Variants in FLT4 observed in about 807,000 individuals in gnomAD.
The protein encoded by FLT4 is fms related receptor tyrosine kinase 4.
In FLT4, 30 loss-of-function variants were observed where a neutral mutation model predicts 163.2. That is an observed-to-expected ratio of 0.18 (90% confidence interval 0.14 to 0.25). The LOEUF is 0.25. Among genes scored for constraint, FLT4 ranks in the 10% least tolerant of loss-of-function variants. FLT4 has a pLI of 1.00. For synonymous variants in FLT4, 884 were observed against 789.5 expected (o/e 1.12, Z -2.01); for missense variants, 1,510 against 1,863.8 (o/e 0.81, Z 3.50).
At chr5:180,619,429 G>GCTTAGCTAAGGCACAGCCT in intron 18 of FLT4, 63 bp from the exon 19 acceptor site, 1 of 1,261,394 alleles carries the variant, frequency 7.9e-7, no homozygotes, top group Non-Finnish European at 1.1e-6. Flanking sequence ...CCCGCCACCC[G>GCTTAGCTAAGGCACAGCCT]GCGCTTTTGG....
chr5:180,636,355 G>A lies in FLT4; in HGVS notation c.59-4577C>T, dbSNP rs991428918. 2.0e-5 allele frequency among the ~76,000 whole-genome samples: 3 copies of A among 152,200 alleles called. No individual in the cohort carries two copies. The highest frequency in any genetic ancestry group is 1.9e-4 in the East Asian group (1 of 5,184). On this transcript the variant is annotated intron_variant, in intron 1 of 29. Coordinates refer to ENST00000261937, the MANE Select transcript of FLT4 (RefSeq NM_182925.5). The surrounding 1 kb of genome is among the most constrained non-coding windows in gnomAD (Gnocchi z 4.3). ...ATGTGAAGCCTGGCTTTCTGGCCAC[G>A]GCACTGGCCCTGGGCGGTTACTGCC...
Position 180,630,427 on chromosome 5 carries a change from C to T in FLT4, c.401-90G>A. 1 of 1,557,144 alleles carries T rather than the reference C, an allele frequency of 6.4e-7. No individual in the cohort carries two copies. The highest frequency in any genetic ancestry group is 1.1e-5 in the South Asian group (1 of 89,250). ...GGGCTGGGTGGTGCTGGTCCTGAAC[C>T]AGCCACCCGCTGGAGCAGGTAGGGC... On this transcript the variant is annotated intron_variant, in intron 3 of 29. Coordinates refer to ENST00000261937, the MANE Select transcript of FLT4 (RefSeq NM_182925.5). The surrounding 1 kb of genome is among the most constrained non-coding windows in gnomAD (Gnocchi z 6.3).
At chr5:180,633,805 A>C (rs1764352097) in intron 1 of FLT4, among the ~76,000 whole-genome samples, 1 of 151,950 alleles carries the variant, frequency 6.6e-6, no homozygotes, top group Non-Finnish European at 1.5e-5. Context: ...GGATGAATAG[A>C]CTCTACCTTC....
intron 26 of FLT4, among the ~76,000 whole-genome samples, chr5:180,611,980 G>A (rs1182058149): frequency 3.9e-5 from 6 of 152,122 alleles, no homozygotes; most frequent in African/African-American, 7.2e-5. Context: ...AACTAGACCC[G>A]CAGCACCCAT....
At chr5:180,637,749 C>T (rs113541957) in intron 1 of FLT4, among the ~76,000 whole-genome samples, 6 of 152,284 alleles carry the variant, frequency 3.9e-5, no homozygotes, top group African/African-American at 1.2e-4. Flanking sequence ...AGGCTAGTCT[C>T]GAACTCCTGA....
At chr5:180,605,583 G>C (rs1761741072) in intron 29 of FLT4, among the ~76,000 whole-genome samples, 1 of 152,136 alleles carries the variant, frequency 6.6e-6, no homozygotes, top group Non-Finnish European at 1.5e-5. Context: ...CCTGTGGATG[G>C]GACTAGGGAT....
chr5:180,636,388 C>T lies in FLT4; in HGVS notation c.59-4610G>A, dbSNP rs1764693742. On this transcript the variant is annotated intron_variant, in intron 1 of 29. Transcript: ENST00000261937. The surrounding 1 kb of genome is among the most constrained non-coding windows in gnomAD (Gnocchi z 4.3). ...CCCTGGGCGGTTACTGCCCTCCACC[C>T]CACATGCCTGAACTCCTCGCAGCCA... Among the ~76,000 whole-genome samples the T allele has an allele frequency of 6.6e-6, 1 of 152,134 alleles. No homozygotes were observed. Among genetic ancestry groups the T allele is most frequent in the Admixed American group, 6.5e-5 (1 of 15,270 alleles).
intron 29 of FLT4, chr5:180,608,413 G>A (rs758139394): frequency 3.9e-5 from 27 of 691,986 alleles, no homozygotes; most frequent in Middle Eastern, 3.7e-4. Context: ...TCAGCCATTC[G>A]GGGCCACTAC....
At chr5:180,608,084 C>A (rs1249370998) in intron 29 of FLT4, 6 of 700,326 alleles carry the variant, frequency 8.6e-6, no homozygotes, top group Admixed American at 8.0e-5. Context: ...CATCCGGAGG[C>A]CTAACCCCTC....
At chr5:180,627,357 C>T (rs371407360) in intron 8 of FLT4, among the ~76,000 whole-genome samples, 3 of 152,064 alleles carry the variant, frequency 2.0e-5, no homozygotes, top group East Asian at 1.9e-4. Context: ...AGGGCAGGGG[C>T]GGAACTGAGG....
Position 180,622,782 on chromosome 5 carries a change from C to A in FLT4, c.1606G>T (p.Val536Phe). The change falls in exon 12 of 30, where the codon GTC becomes TTC. Residue 536 changes from valine to phenylalanine, a missense_variant. Coordinates refer to ENST00000261937, the MANE Select transcript of FLT4 (RefSeq NM_182925.5). Reference sequence around the variant, plus strand: ...TCATCCTGGCCCACCTTGTTGGAGACCACACACTTGTACATGGCAGACACG... The same window carrying A: ...TCATCCTGGCCCACCTTGTTGGAGAACACACACTTGTACATGGCAGACACG... Reference protein sequence around the residue: ...ANVSAMYKCVVSNKVGQDERL... With the variant: ...ANVSAMYKCVFSNKVGQDERL... 6.2e-7 allele frequency: 1 copy of A among 1,613,656 alleles called. No individual in the cohort carries two copies. The highest frequency in any genetic ancestry group is 1.1e-5 in the South Asian group (1 of 91,084).
At chr5:180,609,319 T>C in intron 28 of FLT4, 2 of 550,496 alleles carry the variant, frequency 3.6e-6, no homozygotes, top group South Asian at 2.0e-5. Flanking sequence ...TGGCCAAGCA[T>C]ATGCTCAGTG....
Position 180,616,466 on chromosome 5 carries a change from A to G in FLT4, c.3120T>C (p.Ala1040=). 1.2e-6 allele frequency: 2 copies of G among 1,613,826 alleles called. No individual in the cohort carries two copies. The highest frequency in any genetic ancestry group is 1.7e-6 in the Non-Finnish European group (2 of 1,179,990). Residue 1040 remains alanine (A), a synonymous_variant, in exon 23 of 30, where the codon GCT becomes GCC. Coordinates refer to ENST00000261937, the MANE Select transcript of FLT4 (RefSeq NM_182925.5). ...SRKCIHRDLA[A]RNILLSESDV... Reference sequence around the variant, plus strand: ...CGCTTTCCGACAGCAGAATGTTCCGAGCAGCCAGGTCTCTGTGGATGCACT... The same window carrying G: ...CGCTTTCCGACAGCAGAATGTTCCGGGCAGCCAGGTCTCTGTGGATGCACT...
Position 180,620,490 on chromosome 5 carries a change from T to C in FLT4, c.2406+119A>G. The C allele has an allele frequency of 8.4e-7, 1 of 1,188,118 alleles. No individual in the cohort carries two copies. The highest frequency in any genetic ancestry group is 1.2e-6 in the Non-Finnish European group (1 of 807,118). The allele number at this position is 1,188,118 out of a possible 1,614,324, so 73.6% of individuals were successfully genotyped here. A position where few individuals can be genotyped will look rare whatever the true frequency, so the allele number is the denominator to read the frequency against. On this transcript the variant is annotated intron_variant, in intron 16 of 29. Coordinates refer to ENST00000261937, the MANE Select transcript of FLT4 (RefSeq NM_182925.5). This position sits in a 1 kb window ranked among gnomAD's most constrained non-coding sequence, Gnocchi z 4.4. ...AGCCCAGCGTGAAGGGCAGGGAGGC[T>C]TCCCAGGAAACAAGGCTGCCAGGTG... is the stretch of plus-strand genomic sequence containing the variant.
rs754776434 is a variant in FLT4, at chr5:180,629,819, G to A, written c.693C>T (p.Asp231=). ...GCGACTTCCTGGGCAACAGCTGGAT[G>A]TCATAGAGCTCGTTGCCTGTTGACA... ...LVHITGNELY[D]IQLLPRKSLE... Residue 231 remains aspartate (D), a synonymous_variant, in exon 6 of 30, where the codon GAC becomes GAT. Transcript: ENST00000261937. 8.7e-6 allele frequency: 14 copies of A among 1,612,490 alleles called. No individual in the cohort carries two copies. The highest frequency in any genetic ancestry group is 1.3e-5 in the African/African-American group (1 of 74,926).
chr5:180,620,674 C>T lies in FLT4; in HGVS notation c.2341G>A (p.Gly781Ser). ...AAGAAGACAGCGATGACGCCGGTAC[C>T]GACAAGGATCACGATCTCCATGCTG... ...KGSMEIVILVGTGVIAVFFWV... is the reference protein window; with the variant it reads ...KGSMEIVILVSTGVIAVFFWV... The change falls in exon 16 of 30, where the codon GGT becomes AGT. Residue 781 changes from glycine to serine, a missense_variant. By Grantham distance (56) the Gly-to-Ser change is moderately conservative. This residue lies in a region of FLT4 where 878 missense variants were observed against 1,016.7 expected (regional missense o/e 0.86). Transcript: ENST00000261937. This position sits in a 1 kb window ranked among gnomAD's most constrained non-coding sequence, Gnocchi z 4.4. The T allele has an allele frequency of 6.2e-7, 1 of 1,613,544 alleles. No homozygotes were observed. The highest frequency in any genetic ancestry group is 8.5e-7 in the Non-Finnish European group (1 of 1,179,992).
At chr5:180,607,513 T>A (rs13165395) in intron 29 of FLT4, among the ~76,000 whole-genome samples, 1 of 150,822 alleles carries the variant, frequency 6.6e-6, no homozygotes, top group Non-Finnish European at 1.5e-5. Context: ...TGGTGGCGGG[T>A]GCCTGTAGTC....
rs750050712 is a variant in FLT4 at position 180,629,442 on chromosome 5, G to A, written c.817-15C>T. 1.9e-6 allele frequency: 3 copies of A among 1,609,954 alleles called. No individual in the cohort carries two copies. Among genetic ancestry groups the A allele is most frequent in the South Asian group, 1.1e-5 (1 of 90,996 alleles). ...CCCCGCTCTGCCTGCCCGCACCCAG[G>A]GAAGCCCCGCGTCAGCAGGCGGGCT... On this transcript the variant is annotated splice_polypyrimidine_tract_variant and intron_variant, in intron 6 of 29. Transcript: ENST00000261937.
chr5:180,640,108 A>T (rs1226429162), intron 1 of FLT4, among the ~76,000 whole-genome samples: 4 of 152,092 alleles, frequency 2.6e-5, no homozygotes, highest in Non-Finnish European at 5.9e-5. Context: ...GCAGCACAGG[A>T]GGGTCCTGCA....
Sources: allele counts gnomAD v4.1 joint callset (sites outside exome capture counted in the v4.1 genomes callset), GRCh38; gene constraint gnomAD v4.1.1; regional missense constraint gnomAD v4.1.1; non-coding constraint Gnocchi (gnomAD v3.1); transcripts MANE v1.5; gene names NCBI Gene and HGNC (gene_info 2026-07-23, HGNC 2026-07-21).